Variants in PPARGC1A observed in about 807,000 individuals in gnomAD.
PPARGC1A encodes peroxisome proliferator-activated receptor gamma coactivator 1-alpha.
Under a neutral mutation model 88.7 loss-of-function variants are expected in PPARGC1A, and 25 were observed. The ratio of observed to expected loss-of-function variants is 0.28; its 90% CI spans 0.21 to 0.39. The LOEUF is 0.39. PPARGC1A is among the 10% of genes least tolerant of loss of function. The pLI is 1.00. For synonymous variants in PPARGC1A, 363 were observed against 355.6 expected (o/e 1.02, Z -0.24); for missense variants, 880 against 968.7 (o/e 0.91, Z 1.22).
At chr4:23,839,336 G>C (rs745812897) in intron 2 of PPARGC1A, among the ~76,000 whole-genome samples, 1 of 152,184 alleles carries the variant, frequency 6.6e-6, no homozygotes, top group Non-Finnish European at 1.5e-5. Flanking sequence ...AGGGGAAAAA[G>C]GTTCGGGGAG....
chr4:24,105,145 G>T, the PPARGC1A span, among the ~76,000 whole-genome samples: 105 of 152,294 alleles, frequency 6.9e-4, no homozygotes, highest in African/African-American at 2.5e-3. Context: ...CTGGCAGAAA[G>T]GCTTGATTAA....
the PPARGC1A span, among the ~76,000 whole-genome samples, chr4:24,192,980 CT>C: frequency 6.6e-6 from 1 of 152,132 alleles, no homozygotes; most frequent in East Asian, 1.9e-4. Context: ...ATTAGAAATG[CT>C]GTTTTTTTCA....
At chr4:24,173,135 T>C in the PPARGC1A span, among the ~76,000 whole-genome samples, 11 of 152,080 alleles carry the variant, frequency 7.2e-5, no homozygotes, top group Non-Finnish European at 1.3e-4. Context: ...GCTCTCTGTC[T>C]TTTGAGGTAC....
the PPARGC1A span, among the ~76,000 whole-genome samples, chr4:24,409,793 GGGGTTTT>G: frequency 6.6e-6 from 1 of 152,124 alleles, no homozygotes; most frequent in Non-Finnish European, 1.5e-5. Flanking sequence ...CATCAAAAAT[GGGGTTTT>G]ACATGACTGC....
At chr4:23,951,124 T>G in the PPARGC1A span, among the ~76,000 whole-genome samples, 2 of 152,096 alleles carry the variant, frequency 1.3e-5, no homozygotes, top group South Asian at 4.1e-4. Context: ...CTCTCTGACT[T>G]TGAAAGACCC....
the PPARGC1A span, among the ~76,000 whole-genome samples, chr4:24,041,534 C>A: frequency 1.3e-5 from 2 of 152,134 alleles, no homozygotes; most frequent in African/African-American, 4.8e-5. Context: ...AAACTCTAAC[C>A]CCATTTGTAT....
At chr4:23,907,704 C>T (rs940196513), upstream of PPARGC1A, among the ~76,000 whole-genome samples, 22 of 151,910 alleles carry the variant, frequency 1.4e-4, no homozygotes, top group African/African-American at 4.1e-4. Flanking sequence ...CTCTGCAGTT[C>T]GCACTATATA....
the PPARGC1A span, among the ~76,000 whole-genome samples, chr4:24,203,093 T>A: frequency 1.3e-5 from 2 of 152,144 alleles, no homozygotes; most frequent in Non-Finnish European, 2.9e-5. Flanking sequence ...AAAGGAATCA[T>A]TATCAATTTA....
chr4:24,387,826 G>GGAAGAAAGAAAGGA, the PPARGC1A span, among the ~76,000 whole-genome samples: 1 of 53,066 alleles, frequency 1.9e-5, no homozygotes, highest in African/African-American at 5.5e-5. Context: ...GAAAGAAAGA[G>GGAAGAAAGAAAGGA]AGAAAGAGAG....
the PPARGC1A span, among the ~76,000 whole-genome samples, chr4:23,975,347 T>C: frequency 6.6e-6 from 1 of 152,168 alleles, no homozygotes; most frequent in Admixed American, 6.5e-5. Context: ...GGGACCTTCT[T>C]TTTGATTAAA....
At chr4:23,934,810 C>G in the PPARGC1A span, among the ~76,000 whole-genome samples, 3 of 152,276 alleles carry the variant, frequency 2.0e-5, no homozygotes, top group South Asian at 4.1e-4. Flanking sequence ...GCCCAAGACC[C>G]CGGATCCAGG....
the PPARGC1A span, among the ~76,000 whole-genome samples, chr4:24,329,035 A>C: frequency 6.6e-6 from 1 of 152,170 alleles, no homozygotes; most frequent in African/African-American, 2.4e-5. Flanking sequence ...CTGCCCAGCA[A>C]ACAGTTTATG....
the PPARGC1A span, among the ~76,000 whole-genome samples, chr4:24,206,534 T>C: frequency 3.9e-5 from 6 of 152,118 alleles, no homozygotes; most frequent in Non-Finnish European, 7.4e-5. Context: ...ATATAAAAAA[T>C]ACTAACATTG....
chr4:24,199,682 CA>C, the PPARGC1A span, among the ~76,000 whole-genome samples: 1 of 152,022 alleles, frequency 6.6e-6, no homozygotes, highest in African/African-American at 2.4e-5. Context: ...AATTCCTACT[CA>C]AAAAACAAAA....
the PPARGC1A span, among the ~76,000 whole-genome samples, chr4:24,057,007 G>A: frequency 6.6e-6 from 1 of 152,126 alleles, no homozygotes; most frequent in Non-Finnish European, 1.5e-5. Flanking sequence ...TTACACCTGT[G>A]TTTACAGCAA....
the PPARGC1A span, among the ~76,000 whole-genome samples, chr4:24,066,713 T>C: frequency 2.0e-5 from 3 of 152,134 alleles, no homozygotes; most frequent in Non-Finnish European, 4.4e-5. Context: ...CAGAAAGTCT[T>C]TACTCATTAG....
chr4:23,854,806 C>A (rs2148679761), intron 2 of PPARGC1A, among the ~76,000 whole-genome samples: 1 of 151,928 alleles, frequency 6.6e-6, no homozygotes, highest in East Asian at 1.9e-4. Flanking sequence ...GGGTAAATCC[C>A]AGATGGATGA....
the PPARGC1A span, among the ~76,000 whole-genome samples, chr4:24,075,136 T>C: frequency 6.6e-6 from 1 of 152,166 alleles, no homozygotes; most frequent in East Asian, 1.9e-4. Context: ...CCGTCTCCAC[T>C]TCATAGAACA....
chr4:24,071,073 A>T, the PPARGC1A span, among the ~76,000 whole-genome samples: 304 of 152,266 alleles, frequency 2.0e-3, 2 homozygotes, highest in African/African-American at 6.9e-3. Context: ...ACCTGATCAA[A>T]CGCTTTCTGA....
Sources: gnomAD v4.1 joint callset for allele counts (sites outside exome capture counted in the v4.1 genomes callset) on GRCh38, gnomAD v4.1.1 for gene constraint, MANE v1.5 for transcripts, NCBI Gene and HGNC (gene_info 2026-07-23, HGNC 2026-07-21) for gene names.